Variants in FSD1L observed in about 807,000 individuals in gnomAD.
The protein encoded by FSD1L is fibronectin type III and SPRY domain containing 1 like.
FSD1L carries 45 observed loss-of-function variants against 71.6 expected under a neutral mutation model. The observed-to-expected ratio is 0.63, with a 90% CI of 0.49 to 0.81. The LOEUF is 0.81. FSD1L is among the 30% of genes least tolerant of loss of function. The pLI, the probability that FSD1L is intolerant of heterozygous loss-of-function variation, is 0.00. For synonymous variants in FSD1L, 197 were observed against 207.2 expected, an observed-to-expected ratio of 0.95 and a Z score of 0.42; for missense variants, 561 against 618.1, an observed-to-expected ratio of 0.91 and a Z score of 0.98.
chr9:105,541,288 CTT>C (rs35751327), intron 13 of FSD1L, among the ~76,000 whole-genome samples: 1,434 of 139,496 alleles, frequency 0.01, 21 homozygotes, highest in African/African-American at 0.031. Flanking sequence ...TTTCTTTTTC[CTT>C]TTTTTTTTTT....
At chr9:105,518,431 T>C (rs1195963915) in intron 10 of FSD1L, among the ~76,000 whole-genome samples, 1 of 152,092 alleles carries the variant, frequency 6.6e-6, no homozygotes, top group Non-Finnish European at 1.5e-5. Flanking sequence ...CCTCAGCAAA[T>C]GCAAAAGAAT....
upstream of FSD1L, among the ~76,000 whole-genome samples, chr9:105,447,360 A>G (rs1457365488): frequency 6.7e-6 from 1 of 149,064 alleles, no homozygotes; most frequent in East Asian, 2.0e-4. Flanking sequence ...GAGAATGACT[A>G]TAATTTATTC....
intron 10 of FSD1L, chr9:105,520,174 AG>A: frequency 6.2e-7 from 1 of 1,611,318 alleles, no homozygotes; most frequent in Non-Finnish European, 8.5e-7. Flanking sequence ...TCCACCCAGA[AG>A]GTGCTAGACA....
chr9:105,526,623 C>T (rs1419563420), intron 10 of FSD1L, among the ~76,000 whole-genome samples: 3 of 152,190 alleles, frequency 2.0e-5, no homozygotes, highest in African/African-American at 7.2e-5. Context: ...CCATAACATG[C>T]ATGTTTCTTC....
intron 10 of FSD1L, chr9:105,521,499 C>T (rs1057379601): frequency 1.1e-5 from 18 of 1,613,738 alleles, no homozygotes; most frequent in Middle Eastern, 1.6e-4. Flanking sequence ...AGAGATATTT[C>T]GTCAGGCATT....
intron 9 of FSD1L, among the ~76,000 whole-genome samples, chr9:105,511,374 T>G (rs992786878): frequency 6.6e-6 from 1 of 152,122 alleles, no homozygotes; most frequent in African/African-American, 2.4e-5. Context: ...CTCAAAAATG[T>G]AGAAGCTCTC....
intron 1 of FSD1L, among the ~76,000 whole-genome samples, chr9:105,461,023 A>G (rs772183994): frequency 5.9e-5 from 9 of 152,248 alleles, no homozygotes; most frequent in Non-Finnish European, 1.2e-4. Flanking sequence ...TGGTTGTAAC[A>G]TTTTAACTTA....
rs187244193 is a variant in FSD1L at position 105,498,872 on chromosome 9, C to A, written c.587-7527C>A. Among the ~76,000 whole-genome samples, 12 of 152,298 alleles carry A rather than the reference C, an allele frequency of 7.9e-5. No individual in the cohort carries two copies. The East Asian group carries it at 1.9e-3, about 24-fold the overall frequency. On this transcript the variant is annotated intron_variant, in intron 7 of 13. Coordinates refer to ENST00000481272, the MANE Select transcript of FSD1L (RefSeq NM_001145313.3). The stretch of plus-strand genomic sequence containing the variant: ...CTCCTCATCTCAAGTGATCCGCCCC[C>A]CTCCCAAAGTGCAAAGATTACAGGC...
At chr9:105,502,175 A>C (rs1240761196) in intron 7 of FSD1L, among the ~76,000 whole-genome samples, 2 of 152,184 alleles carry the variant, frequency 1.3e-5, no homozygotes, top group Admixed American at 1.3e-4. Context: ...CTAGCTGTGC[A>C]ATCTTGAGCA....
At chr9:105,507,889 CTTTTTTTTT>C (rs200267374) in intron 8 of FSD1L, among the ~76,000 whole-genome samples, 1 of 109,258 alleles carries the variant, frequency 9.2e-6, no homozygotes, top group African/African-American at 3.4e-5. Flanking sequence ...TATCACTCTT[CTTTTTTTTT>C]TTTTTTTTTT....
At chr9:105,493,400 A>G (rs542405105) in intron 7 of FSD1L, among the ~76,000 whole-genome samples, 1 of 152,192 alleles carries the variant, frequency 6.6e-6, no homozygotes, top group Admixed American at 6.5e-5. Context: ...GTGTCTCTGC[A>G]CGTGAGATGG....
At chr9:105,509,326 C>G (rs1834263618) in intron 9 of FSD1L, among the ~76,000 whole-genome samples, 1 of 152,140 alleles carries the variant, frequency 6.6e-6, no homozygotes, top group South Asian at 2.1e-4. Context: ...GAGTTTTGTG[C>G]CAGCCCTTAC....
At chr9:105,527,878 T>C (rs754839508) in intron 10 of FSD1L, among the ~76,000 whole-genome samples, 4 of 152,160 alleles carry the variant, frequency 2.6e-5, no homozygotes, top group Non-Finnish European at 5.9e-5. Context: ...GATGACATGA[T>C]TGTATATTTA....
chr9:105,522,934 C>T lies in FSD1L; in HGVS notation c.1025+9998C>T, dbSNP rs1317831157. 1.9e-6 allele frequency: 3 copies of T among 1,613,156 alleles called. No individual in the cohort carries two copies. The East Asian group carries it at 6.7e-5, about 36-fold the overall frequency. On this transcript the variant is annotated intron_variant, in intron 10 of 13. Transcript: ENST00000481272. ...GACCCAGGTGTGCCCTCAGAATGGA[C>T]TTCTCCTGCCAGTGCAGGGAGCAGT...
At chr9:105,516,713 G>C (rs1834748911) in intron 10 of FSD1L, among the ~76,000 whole-genome samples, 1 of 152,160 alleles carries the variant, frequency 6.6e-6, no homozygotes, top group Non-Finnish European at 1.5e-5. Context: ...CACAAAGATG[G>C]GGAGAAACCA....
rs1588893692 is a variant in FSD1L, at chr9:105,448,212, C to T, written c.-9C>T. ...TCGGGTTCGAGCCCAGTGGGCTTAG[C>T]CACTCGCCATGGACTCCCAGAAAGT... On this transcript the variant is annotated 5_prime_UTR_variant, in exon 1 of 14. Transcript: ENST00000481272. 6.5e-7 allele frequency: 1 copy of T among 1,541,044 alleles called. No homozygotes were observed. Among genetic ancestry groups the T allele is most frequent in the Non-Finnish European group, 8.8e-7 (1 of 1,141,944 alleles).
chr9:105,461,284 C>T (rs1175554007), intron 1 of FSD1L, among the ~76,000 whole-genome samples: 1 of 151,790 alleles, frequency 6.6e-6, no homozygotes, highest in Non-Finnish European at 1.5e-5. Flanking sequence ...TTTTTGAGCA[C>T]TTGAAATGTG....
intron 2 of FSD1L, 28 bp downstream of exon 2, chr9:105,461,643 T>C: frequency 7.4e-7 from 1 of 1,357,778 alleles, no homozygotes; most frequent in Non-Finnish European, 1.0e-6. Context: ...GAGCAGAGGT[T>C]TTAACTTGAA....
At chr9:105,530,600 T>C (rs1486563006) in intron 10 of FSD1L, 1 of 692,348 alleles carries the variant, frequency 1.4e-6, no homozygotes, top group Non-Finnish European at 2.6e-6. Flanking sequence ...TTTATTTGTA[T>C]GACGTTCACT....
Sources: allele counts gnomAD v4.1 joint callset (sites outside exome capture counted in the v4.1 genomes callset), GRCh38; gene constraint gnomAD v4.1.1; transcripts MANE v1.5; gene names NCBI Gene and HGNC (gene_info 2026-07-23, HGNC 2026-07-21).